The following NDST4 variants were observed in gnomAD, a reference collection of about 807,000 sequenced individuals.
The protein encoded by NDST4 is N-deacetylase and N-sulfotransferase 4, also known as N-heparan sulfate sulfotransferase 4.
Under a neutral mutation model 100.8 loss-of-function variants are expected in NDST4, and 63 were observed. The ratio of observed to expected loss-of-function variants is 0.62; its 90% confidence interval spans 0.51 to 0.77. The LOEUF is 0.77. NDST4 is among the 30% of genes least tolerant of loss of function. The pLI, the probability that NDST4 is intolerant of heterozygous loss-of-function variation, is 0.00. For synonymous variants in NDST4, 377 were observed against 361.8 expected (o/e 1.04, Z -0.48); for missense variants, 943 against 1,018.4 (o/e 0.93, Z 1.01).
intron 2 of NDST4, among the ~76,000 whole-genome samples, chr4:115,063,999 T>A (rs1245538350): frequency 6.6e-6 from 1 of 152,014 alleles, no homozygotes; most frequent in African/African-American, 2.4e-5. Flanking sequence ...TACTGTAAAG[T>A]AACCAAAGTC....
intron 6 of NDST4, among the ~76,000 whole-genome samples, chr4:114,880,715 A>T (rs556406865): frequency 6.6e-6 from 1 of 152,280 alleles, no homozygotes; most frequent in South Asian, 2.1e-4. Context: ...TTGCCTAAAG[A>T]TGCTTAGGGT....
chr4:114,900,531 T>G (rs1171950783), intron 6 of NDST4, among the ~76,000 whole-genome samples: 1 of 152,130 alleles, frequency 6.6e-6, no homozygotes, highest in Non-Finnish European at 1.5e-5. Context: ...TTTTCTATGT[T>G]TAGATATGCT....
At chr4:115,048,223 A>G (rs931296616) in intron 2 of NDST4, among the ~76,000 whole-genome samples, 2 of 151,970 alleles carry the variant, frequency 1.3e-5, no homozygotes, top group African/African-American at 4.8e-5. Flanking sequence ...TTAAGCATCT[A>G]TTTTGAACCA....
intron 2 of NDST4, among the ~76,000 whole-genome samples, chr4:115,034,045 C>T (rs1432144684): frequency 6.6e-6 from 1 of 152,014 alleles, no homozygotes; most frequent in Non-Finnish European, 1.5e-5. Context: ...GCCTCAAATG[C>T]CCTAACCACA....
intron 6 of NDST4, among the ~76,000 whole-genome samples, chr4:114,898,036 G>C (rs557288051): frequency 6.6e-6 from 1 of 151,940 alleles, no homozygotes; most frequent in East Asian, 1.9e-4. Flanking sequence ...GCTGTATTTC[G>C]CATAGTAGTT....
intron 2 of NDST4, among the ~76,000 whole-genome samples, chr4:115,071,312 A>G (rs975380498): frequency 2.0e-5 from 3 of 148,840 alleles, no homozygotes; most frequent in Non-Finnish European, 4.4e-5. Context: ...ACACACACAC[A>G]CACACACATT....
intron 7 of NDST4, among the ~76,000 whole-genome samples, chr4:114,868,756 G>A (rs1285265232): frequency 6.6e-6 from 1 of 151,604 alleles, no homozygotes; most frequent in Non-Finnish European, 1.5e-5. Flanking sequence ...TATCATTTAA[G>A]TACTCTTACA....
chr4:114,931,438 T>C (rs530959820), intron 6 of NDST4, among the ~76,000 whole-genome samples: 1 of 151,204 alleles, frequency 6.6e-6, no homozygotes, highest in Non-Finnish European at 1.5e-5. Context: ...CTTAATTTTA[T>C]ATCTCAAGGA....
chr4:114,833,532 T>A (rs1723245456), intron 12 of NDST4, 74 bp downstream of exon 12: 11 of 930,940 alleles, frequency 1.2e-5, no homozygotes, highest in Non-Finnish European at 1.8e-5. Context: ...TTAATGATGT[T>A]ATATACACAC....
intron 6 of NDST4, among the ~76,000 whole-genome samples, chr4:114,919,476 T>C (rs1416738886): frequency 6.6e-6 from 1 of 152,174 alleles, no homozygotes; most frequent in Non-Finnish European, 1.5e-5. Flanking sequence ...AAGCAACTTA[T>C]TTCAAGAAAT....
At chr4:114,947,618 T>G (rs894791881) in intron 4 of NDST4, among the ~76,000 whole-genome samples, 2 of 152,140 alleles carry the variant, frequency 1.3e-5, no homozygotes, top group African/African-American at 4.8e-5. Context: ...AAGAATGGTA[T>G]TATCCAGCCC....
At chr4:115,081,765 A>T (rs557150951) in intron 1 of NDST4, among the ~76,000 whole-genome samples, 1 of 152,286 alleles carries the variant, frequency 6.6e-6, no homozygotes, top group African/African-American at 2.4e-5. Flanking sequence ...AGACCCTGGG[A>T]CAAGTCAGCA....
chr4:115,019,494 T>G (rs1175990101), intron 2 of NDST4, among the ~76,000 whole-genome samples: 2 of 152,136 alleles, frequency 1.3e-5, no homozygotes, highest in African/African-American at 4.8e-5. Context: ...ATCTCTAAAA[T>G]GCCCGGAGAA....
At chr4:114,829,526 C>T (rs908591598) in intron 13 of NDST4, among the ~76,000 whole-genome samples, 1 of 152,080 alleles carries the variant, frequency 6.6e-6, no homozygotes, top group Non-Finnish European at 1.5e-5. Flanking sequence ...GGAAATGAGT[C>T]ATTTTTTAGT....
rs17679009 is a variant in NDST4 at position 114,867,106 on chromosome 4, G to A, written c.1719+3662C>T. 1.9e-3 allele frequency among the ~76,000 whole-genome samples: 286 copies of A among 152,230 alleles called. 4 individuals carry two copies. The East Asian group carries it at 0.052, about 27-fold the overall frequency. On this transcript the variant is annotated intron_variant, in intron 7 of 13. Transcript: ENST00000264363. The stretch of plus-strand genomic sequence containing the variant: ...AGAACAAGGCATTTCACTACACTGA[G>A]TGTCATCCATTTTCTCTCTACAATG...
At chr4:115,002,051 A>G (rs1727302760) in intron 2 of NDST4, among the ~76,000 whole-genome samples, 1 of 152,214 alleles carries the variant, frequency 6.6e-6, no homozygotes, top group Non-Finnish European at 1.5e-5. Context: ...ATGCTAGTAT[A>G]TGAAGATGTA....
intron 6 of NDST4, among the ~76,000 whole-genome samples, chr4:114,926,411 G>C (rs1023486403): frequency 6.6e-6 from 1 of 151,984 alleles, no homozygotes; most frequent in African/African-American, 2.4e-5. Context: ...AGCAACAGGA[G>C]TTCATATGTA....
At chr4:114,908,747 A>G (rs1725004124) in intron 6 of NDST4, among the ~76,000 whole-genome samples, 2 of 152,312 alleles carry the variant, frequency 1.3e-5, no homozygotes, top group Non-Finnish European at 2.9e-5. Context: ...ACACGTACAC[A>G]CGGGAGACTT....
chr4:115,078,800 A>T (rs936324767), intron 1 of NDST4, among the ~76,000 whole-genome samples: 1 of 152,088 alleles, frequency 6.6e-6, no homozygotes, highest in South Asian at 2.1e-4. Flanking sequence ...AGATTGTGCC[A>T]CTGCACTCCA....
Sources: gnomAD v4.1 joint callset for allele counts (sites outside exome capture counted in the v4.1 genomes callset) on GRCh38, gnomAD v4.1.1 for gene constraint, MANE v1.5 for transcripts, NCBI Gene and HGNC (gene_info 2026-07-23, HGNC 2026-07-21) for gene names.